The following AOPEP variants were observed in gnomAD, a reference collection of about 807,000 sequenced individuals.
AOPEP encodes aminopeptidase O (putative), also known as aminopeptidase O.
AOPEP carries 77 observed loss-of-function variants against 98.1 expected under a neutral mutation model. That is an observed-to-expected ratio of 0.78 (90% CI 0.65 to 0.95). The LOEUF is 0.95. Among genes scored for constraint, AOPEP ranks in the 40% least tolerant of loss-of-function variants. The pLI is 0.00. For missense variants in AOPEP, 1,024 were observed against 1,024.7 expected, an observed-to-expected ratio of 1.00 and a Z score of 0.01; for synonymous variants, 346 against 365.3, an observed-to-expected ratio of 0.95 and a Z score of 0.60.
At position 94,805,239 on chromosome 9, in the gene AOPEP, G is replaced by A. The variant is rs138682036; in HGVS notation, c.1364+4237G>A. Among the ~76,000 whole-genome samples the A allele has an allele frequency of 1.2e-3, 182 of 152,102 alleles. 1 individual carries two copies. In the East Asian group the frequency reaches 0.016, roughly 14 times the overall value. On this transcript the variant is annotated intron_variant, in intron 5 of 16. Transcript: ENST00000375315. ...CGACTGGCTAATGAGAACCTGATTG[G>A]CTTAGCAGCTGCTGTTCTTGAGCAG...
chr9:94,910,795 C>G (rs1299630112), intron 5 of AOPEP, among the ~76,000 whole-genome samples: 7 of 151,940 alleles, frequency 4.6e-5, no homozygotes, highest in African/African-American at 1.5e-4. Flanking sequence ...GGGGGAGGGG[C>G]CAGTCTATTA....
intron 3 of AOPEP, among the ~76,000 whole-genome samples, chr9:94,789,299 T>C (rs971122099): frequency 1.3e-5 from 2 of 152,222 alleles, no homozygotes; most frequent in African/African-American, 4.8e-5. Flanking sequence ...CCTCTCTTTT[T>C]ACCTGAAAGC....
chr9:94,893,359 G>A (rs1475192064), intron 5 of AOPEP, among the ~76,000 whole-genome samples: 1 of 152,172 alleles, frequency 6.6e-6, no homozygotes, highest in Non-Finnish European at 1.5e-5. Context: ...TGCAGAATGA[G>A]TCTAGTCAGT....
chr9:95,060,861 A>G, intron 14 of AOPEP, 51 bp downstream of exon 14: 2 of 1,142,610 alleles, frequency 1.8e-6, no homozygotes, highest in Non-Finnish European at 2.7e-6. Context: ...ACTGTTGTTG[A>G]AGAATGGTGA....
intron 5 of AOPEP, among the ~76,000 whole-genome samples, chr9:94,917,498 C>T (rs2053003872): frequency 6.6e-6 from 1 of 152,112 alleles, no homozygotes; most frequent in African/African-American, 2.4e-5. Flanking sequence ...CCATGAGCAC[C>T]CACCTTGAAC....
intron 5 of AOPEP, among the ~76,000 whole-genome samples, chr9:94,817,415 G>T (rs920526509): frequency 6.6e-6 from 1 of 152,186 alleles, no homozygotes; most frequent in African/African-American, 2.4e-5. Flanking sequence ...CAGTATTTAC[G>T]AAATGCTGCA....
At chr9:94,915,706 C>T (rs12351146) in intron 5 of AOPEP, among the ~76,000 whole-genome samples, 8 of 152,210 alleles carry the variant, frequency 5.3e-5, no homozygotes, top group Admixed American at 2.6e-4. Flanking sequence ...CTTGCTACTT[C>T]GTGTCTGCTT....
At chr9:95,123,835 T>A in the AOPEP span, 1 of 657,510 alleles carries the variant, frequency 1.5e-6, no homozygotes, top group Non-Finnish European at 2.9e-6. Flanking sequence ...GACCTGCGGA[T>A]GCTGCCCCAC....
At chr9:94,830,627 A>C (rs994863722) in intron 5 of AOPEP, among the ~76,000 whole-genome samples, 1 of 152,246 alleles carries the variant, frequency 6.6e-6, no homozygotes, top group African/African-American at 2.4e-5. Context: ...AGGAATGGCC[A>C]CACTGTCTTC....
intron 11 of AOPEP, among the ~76,000 whole-genome samples, chr9:94,989,646 C>T (rs1391555946): frequency 1.4e-5 from 2 of 142,230 alleles, no homozygotes; most frequent in East Asian, 4.2e-4. Flanking sequence ...GAGTCTTGCT[C>T]TCTTGCCCAG....
At chr9:95,045,838 A>AGTAT (rs1171898445) in intron 13 of AOPEP, among the ~76,000 whole-genome samples, 1 of 152,210 alleles carries the variant, frequency 6.6e-6, no homozygotes, top group Non-Finnish European at 1.5e-5. Flanking sequence ...AGAGGGGAGC[A>AGTAT]GTACCAGTAG....
chr9:94,909,758 CTGTT>C (rs2051736433), intron 5 of AOPEP, among the ~76,000 whole-genome samples: 1 of 152,234 alleles, frequency 6.6e-6, no homozygotes, highest in Admixed American at 6.5e-5. Context: ...CAAGGGGTGT[CTGTT>C]GGTTCTGAGG....
chr9:94,800,412 A>G (rs899889912), intron 4 of AOPEP, among the ~76,000 whole-genome samples: 2 of 152,194 alleles, frequency 1.3e-5, no homozygotes, highest in Non-Finnish European at 2.9e-5. Context: ...ACTTGAAAAC[A>G]TCTAACCGAG....
intron 14 of AOPEP, among the ~76,000 whole-genome samples, chr9:95,076,449 C>T (rs1431728722): frequency 2.0e-5 from 3 of 152,170 alleles, no homozygotes; most frequent in African/African-American, 7.2e-5. Context: ...GTCTATCTGT[C>T]AGGGTCTCGC....
chr9:94,744,092 A>G (rs1017425937), intron 1 of AOPEP, among the ~76,000 whole-genome samples: 5 of 152,140 alleles, frequency 3.3e-5, no homozygotes, highest in African/African-American at 4.8e-5. Context: ...ATCCTTAATC[A>G]TGATTAAGAA....
intron 5 of AOPEP, among the ~76,000 whole-genome samples, chr9:94,912,976 T>C (rs377532517): frequency 6.6e-6 from 1 of 152,222 alleles, no homozygotes; most frequent in African/African-American, 2.4e-5. Flanking sequence ...GTGCCAGTGT[T>C]CATTGTATTT....
intron 5 of AOPEP, among the ~76,000 whole-genome samples, chr9:94,922,148 T>G (rs1336745610): frequency 6.6e-6 from 1 of 152,208 alleles, no homozygotes; most frequent in African/African-American, 2.4e-5. Context: ...TTTTGTGCAT[T>G]CCTTCAGGCC....
Position 94,928,438 on chromosome 9 carries a change from A to C in AOPEP, c.1568A>C (p.Glu523Ala), listed in dbSNP as rs2054726282. ...WATAQQLAPYEAREQQELRAC... is the reference protein window; with the variant it reads ...WATAQQLAPYAAREQQELRAC... ...GTGGCTGAGCAGCTGGCCCCCTATG[A>C]GGCCCGGGAGCAGCAGGAGCTGAGG... The change falls in exon 7 of 17, where the codon GAG (glutamate) becomes GCG (alanine). Residue 523 changes from glutamate to alanine, a missense_variant. Physicochemically the swap from Glu to Ala is moderately radical, Grantham distance 107 (BLOSUM62 -1). Around this residue, in one of 3 missense-constraint regions of AOPEP, gnomAD observed 566 missense variants for 551.7 expected, o/e 1.03. Coordinates refer to ENST00000375315, the MANE Select transcript of AOPEP (RefSeq NM_001193329.3). The C allele has an allele frequency of 3.2e-6, 5 of 1,548,292 alleles. No homozygotes were observed. Among genetic ancestry groups the C allele is most frequent in the African/African-American group, 1.4e-5 (1 of 73,026 alleles).
At chr9:94,933,229 G>A in intron 7 of AOPEP, 3 of 985,598 alleles carry the variant, frequency 3.0e-6, no homozygotes, top group Non-Finnish European at 3.6e-6. Context: ...GGCAGCTTCC[G>A]AAAGGCTCGC....
Sources: gnomAD v4.1 joint callset for allele counts (sites outside exome capture counted in the v4.1 genomes callset) on GRCh38, gnomAD v4.1.1 for gene constraint, gnomAD v4.1.1 regional missense constraint, MANE v1.5 for transcripts, NCBI Gene and HGNC (gene_info 2026-07-23, HGNC 2026-07-21) for gene names.